Variants in CADPS2 observed in about 807,000 individuals in gnomAD.
The protein encoded by CADPS2 is calcium-dependent secretion activator 2.
CADPS2 carries 93 observed loss-of-function variants against 172.5 expected under a neutral mutation model. The observed-to-expected ratio is 0.54, with a 90% confidence interval of 0.46 to 0.64. CADPS2 has a LOEUF of 0.64. Ranked by LOEUF, CADPS2 falls within the 30% of genes least tolerant of loss-of-function variation. CADPS2 has a pLI of 0.00. For missense variants in CADPS2, 1,420 were observed against 1,565.9 expected (o/e 0.91, Z 1.57); for synonymous variants, 546 against 555.2 (o/e 0.98, Z 0.23).
chr7:122,799,231 A>G (rs1797034924), intron 1 of CADPS2, among the ~76,000 whole-genome samples: 1 of 152,122 alleles, frequency 6.6e-6, no homozygotes, highest in Non-Finnish European at 1.5e-5. Context: ...TAATGCCAGA[A>G]AAAACAGAAC....
At chr7:122,325,381 T>C (rs2033624559) in intron 29 of CADPS2, 96 bp downstream of exon 29, 10 of 730,230 alleles carry the variant, frequency 1.4e-5, no homozygotes, top group Non-Finnish European at 2.1e-5. Context: ...GTGATACTTT[T>C]TAGTTACATC....
intron 3 of CADPS2, among the ~76,000 whole-genome samples, chr7:122,635,239 T>A (rs1359629671): frequency 6.6e-6 from 1 of 152,024 alleles, no homozygotes; most frequent in African/African-American, 2.4e-5. Flanking sequence ...GTCAGTGGGG[T>A]GCTGAAGTCT....
In CADPS2 at chr7:122,637,171, C is replaced by CTTTTTTT. The variant is rs71161313; in HGVS notation, c.787-7850_787-7844dup. ...CTTCTGACTGCATTATGAAATTTTG[C>CTTTTTTT]TTTTTTTTTTTTTTTTTTTTTTTTT... is the stretch of plus-strand genomic sequence containing the variant. On this transcript the variant is annotated intron_variant, in intron 3 of 29. Transcript: ENST00000449022. Among the ~76,000 whole-genome samples the CTTTTTTT allele has an allele frequency of 7.4e-5, 4 of 53,900 alleles. 2 individuals are homozygous for CTTTTTTT. Among genetic ancestry groups the CTTTTTTT allele is most frequent in the African/African-American group, 1.5e-4 (2 of 13,630 alleles). 35.4% of individuals were successfully genotyped at this position (53,900 alleles called of 152,430 possible).
In CADPS2 at chr7:122,672,418, C is replaced by T. The variant is rs539772995; in HGVS notation, c.454-8849G>A. On this transcript the variant is annotated intron_variant, in intron 2 of 29. Transcript: ENST00000449022. ...GGTGTCGAAGCTGTCATGGGAATTC[C>T]TTACATTGACAAACTCACCAAGTAG... Among the ~76,000 whole-genome samples the T allele has an allele frequency of 1.4e-3, 220 of 152,234 alleles. 2 individuals carry two copies. Among genetic ancestry groups the T allele is most frequent in the Admixed American group, 4.8e-3 (73 of 15,308 alleles).
intron 1 of CADPS2, among the ~76,000 whole-genome samples, chr7:122,796,538 T>C (rs916310987): frequency 3.3e-5 from 5 of 151,954 alleles, no homozygotes; most frequent in African/African-American, 7.3e-5. Flanking sequence ...TGGAACAGCA[T>C]ACAGAGCCCA....
chr7:122,878,731 G>T (rs942953622), intron 1 of CADPS2, among the ~76,000 whole-genome samples: 1 of 150,788 alleles, frequency 6.6e-6, no homozygotes, highest in Non-Finnish European at 1.5e-5. Context: ...TTTGAAAAAA[G>T]AATTAAATTA....
chr7:122,784,457 C>T (rs1262402502), intron 1 of CADPS2, among the ~76,000 whole-genome samples: 1 of 152,218 alleles, frequency 6.6e-6, no homozygotes. Context: ...CTTGAAGTCT[C>T]TATTCTGGTT....
At chr7:122,794,748 AT>A (rs202133457) in intron 1 of CADPS2, among the ~76,000 whole-genome samples, 17 of 148,766 alleles carry the variant, frequency 1.1e-4, no homozygotes, top group African/African-American at 2.2e-4. Flanking sequence ...AACTGAAATC[AT>A]TTTAAAAAAA....
chr7:122,748,594 G>T (rs2092819044), intron 1 of CADPS2, among the ~76,000 whole-genome samples: 1 of 152,046 alleles, frequency 6.6e-6, no homozygotes, highest in South Asian at 2.1e-4. Context: ...AAGAAAATAT[G>T]ACATAAAATT....
intron 1 of CADPS2, among the ~76,000 whole-genome samples, chr7:122,807,993 T>C (rs1799161615): frequency 6.6e-6 from 1 of 152,198 alleles, no homozygotes; most frequent in Non-Finnish European, 1.5e-5. Flanking sequence ...ACAAATCCAG[T>C]TCAGATAGCT....
At chr7:122,604,047 T>C (rs1416046158) in intron 6 of CADPS2, among the ~76,000 whole-genome samples, 1 of 152,178 alleles carries the variant, frequency 6.6e-6, no homozygotes, top group African/African-American at 2.4e-5. Context: ...TCATGTTGGA[T>C]ACCTTGAATA....
chr7:122,536,028 C>A (rs756639963), intron 8 of CADPS2, among the ~76,000 whole-genome samples: 2 of 152,084 alleles, frequency 1.3e-5, no homozygotes, highest in African/African-American at 2.4e-5. Flanking sequence ...GAACCTGTAG[C>A]ATGACAAGGC....
intron 2 of CADPS2, among the ~76,000 whole-genome samples, chr7:122,672,424 T>C (rs2081961046): frequency 2.0e-5 from 3 of 152,166 alleles, no homozygotes; most frequent in South Asian, 2.1e-4. Flanking sequence ...ATTCCTTACA[T>C]TGACAAACTC....
At chr7:122,609,217 C>A (rs1426818063) in intron 6 of CADPS2, among the ~76,000 whole-genome samples, 1 of 152,066 alleles carries the variant, frequency 6.6e-6, no homozygotes, top group African/African-American at 2.4e-5. Context: ...AAGACTAGTA[C>A]ATATAAGGAA....
chr7:122,484,185 G>C (rs1031814162), intron 11 of CADPS2, among the ~76,000 whole-genome samples: 4 of 152,118 alleles, frequency 2.6e-5, no homozygotes, highest in Non-Finnish European at 5.9e-5. Context: ...AATTCATAGA[G>C]AAATGCAAAG....
intron 1 of CADPS2, among the ~76,000 whole-genome samples, chr7:122,878,731 GAATT>G (rs1231210888): frequency 8.0e-5 from 12 of 150,904 alleles, no homozygotes; most frequent in African/African-American, 2.4e-4. Flanking sequence ...TTTGAAAAAA[GAATT>G]AAATTAATAA....
At chr7:122,751,338 A>C (rs569830945) in intron 1 of CADPS2, among the ~76,000 whole-genome samples, 1 of 152,060 alleles carries the variant, frequency 6.6e-6, no homozygotes, top group Non-Finnish European at 1.5e-5. Flanking sequence ...ATAATGATTT[A>C]AAAAAATCAT....
chr7:122,340,573 C>T (rs1357424247), intron 28 of CADPS2, among the ~76,000 whole-genome samples: 4 of 152,124 alleles, frequency 2.6e-5, no homozygotes, highest in Non-Finnish European at 4.4e-5. Context: ...TCAGTTTTGA[C>T]TTCTGAAAAA....
At chr7:122,471,230 T>A (rs1468612865) in intron 14 of CADPS2, 145 bp downstream of exon 14, 2 of 681,666 alleles carry the variant, frequency 2.9e-6, no homozygotes, top group Non-Finnish European at 4.6e-6. Flanking sequence ...ATGCACACTT[T>A]TTTCTCTGTC....
Sources: allele counts gnomAD v4.1 joint callset (sites outside exome capture counted in the v4.1 genomes callset), GRCh38; gene constraint gnomAD v4.1.1; transcripts MANE v1.5; gene names NCBI Gene and HGNC (gene_info 2026-07-23, HGNC 2026-07-21).